RABL3: variants seen among roughly 807,000 people sequenced by gnomAD.
RABL3 encodes the protein RAB, member of RAS oncogene family like 3, also known as rab-like protein 3.
Under a neutral mutation model 31.8 loss-of-function variants are expected in RABL3, and 31 were observed. That is an observed-to-expected ratio of 0.97 (90% confidence interval 0.73 to 1.31). The LOEUF (loss-of-function observed/expected upper bound fraction) is 1.31, where lower values mean the gene tolerates loss of function less well. Among genes scored for constraint, RABL3 ranks in the 40% most tolerant of loss-of-function variants. RABL3 has a pLI of 0.00. For synonymous variants in RABL3, 97 were observed against 99.9 expected, an observed-to-expected ratio of 0.97 and a Z score of 0.18; for missense variants, 263 against 279.6, an observed-to-expected ratio of 0.94 and a Z score of 0.42.
chr3:120,698,793 T>C (rs1255437850), intron 4 of RABL3, among the ~76,000 whole-genome samples: 4 of 152,232 alleles, frequency 2.6e-5, no homozygotes, highest in African/African-American at 9.6e-5. Context: ...CTTCTCAAAA[T>C]TTGGTCCCAT....
chr3:120,733,235 A>C (rs1708909484), intron 1 of RABL3, among the ~76,000 whole-genome samples: 1 of 152,042 alleles, frequency 6.6e-6, no homozygotes, highest in Admixed American at 6.6e-5. Context: ...TTTTTTCATG[A>C]CTTTTTAATG....
intron 4 of RABL3, among the ~76,000 whole-genome samples, chr3:120,705,295 T>C (rs1008052990): frequency 2.6e-5 from 4 of 152,174 alleles, no homozygotes; most frequent in Middle Eastern, 3.2e-3. Context: ...TTTTTGTCAA[T>C]ATAGACAAGC....
intron 1 of RABL3, 21 bp downstream of exon 1, chr3:120,742,441 G>C: frequency 6.2e-7 from 1 of 1,613,360 alleles, no homozygotes; most frequent in African/African-American, 1.3e-5. Flanking sequence ...TGGAGCCCCA[G>C]AGGTAGGGTA....
At chr3:120,730,131 C>T (rs1055085549) in intron 2 of RABL3, among the ~76,000 whole-genome samples, 4 of 152,194 alleles carry the variant, frequency 2.6e-5, no homozygotes, top group Admixed American at 2.6e-4. Context: ...ATCTAGCCAA[C>T]TACCTTGCCT....
At chr3:120,732,684 G>A (rs1708900400) in intron 1 of RABL3, among the ~76,000 whole-genome samples, 1 of 151,888 alleles carries the variant, frequency 6.6e-6, no homozygotes, top group Non-Finnish European at 1.5e-5. Context: ...ATTTACACTA[G>A]GTATGTCTCC....
chr3:120,700,707 T>C (rs573932736), intron 4 of RABL3, among the ~76,000 whole-genome samples: 32 of 152,204 alleles, frequency 2.1e-4, no homozygotes, highest in East Asian at 1.2e-3. Context: ...TGAAATGATA[T>C]GATGTTTTAA....
chr3:120,733,621 G>T (rs1439349317), intron 1 of RABL3, among the ~76,000 whole-genome samples: 1 of 152,180 alleles, frequency 6.6e-6, no homozygotes, highest in East Asian at 1.9e-4. Flanking sequence ...TAGACATGAA[G>T]TCCTTGCCCA....
chr3:120,724,527 A>G (rs1338198941), intron 2 of RABL3, among the ~76,000 whole-genome samples: 2 of 152,364 alleles, frequency 1.3e-5, no homozygotes, highest in East Asian at 3.9e-4. Flanking sequence ...AGCTGGAGGC[A>G]TCACGCTACC....
chr3:120,699,145 C>T (rs34632604), intron 4 of RABL3, among the ~76,000 whole-genome samples: 1 of 151,972 alleles, frequency 6.6e-6, no homozygotes, highest in South Asian at 2.1e-4. Context: ...AAGCTGAAGC[C>T]TAGAATAAAT....
intron 5 of RABL3, among the ~76,000 whole-genome samples, chr3:120,697,921 T>C (rs1708454829): frequency 6.6e-6 from 1 of 152,160 alleles, no homozygotes. Flanking sequence ...ATCCCAGCAC[T>C]TTGGGAGGCC....
intron 4 of RABL3, among the ~76,000 whole-genome samples, chr3:120,703,440 T>C (rs1186446948): frequency 2.0e-5 from 3 of 152,096 alleles, no homozygotes; most frequent in African/African-American, 4.8e-5. Flanking sequence ...GCTAAAGCAG[T>C]GTTTAGAGGG....
At position 120,690,450 on chromosome 3, in the gene RABL3, T is replaced by G. The variant is rs547327941; in HGVS notation, c.644A>C (p.Gln215Pro). The G allele has an allele frequency of 1.3e-6, 2 of 1,580,764 alleles. No individual in the cohort carries two copies. Among genetic ancestry groups the G allele is most frequent in the South Asian group, 1.1e-5 (1 of 90,156 alleles). Residue 215 changes from glutamine (Q) to proline (P), a missense_variant and splice_region_variant, in exon 7 of 8, where the codon CAG (glutamine) becomes CCG (proline). Gln to Pro is a moderately conservative substitution (Grantham distance 76). Coordinates refer to ENST00000273375, the MANE Select transcript of RABL3 (RefSeq NM_173825.5). Reference protein sequence around the residue: ...EKRYFLREGNQIPGFPDRKRF... With the variant: ...EKRYFLREGNPIPGFPDRKRF... ...TTTATCAAGAAAAGAGATACCAACC[T>G]GATTACCTTCTCTTAAAAAGTATCT...
chr3:120,740,087 G>A (rs999909311), intron 1 of RABL3, among the ~76,000 whole-genome samples: 1 of 152,036 alleles, frequency 6.6e-6, no homozygotes, highest in Non-Finnish European at 1.5e-5. Context: ...GGTAAAAAAG[G>A]CCCAATATAA....
intron 5 of RABL3, among the ~76,000 whole-genome samples, chr3:120,698,120 C>T (rs1284680591): frequency 1.3e-5 from 2 of 152,144 alleles, no homozygotes; most frequent in South Asian, 2.1e-4. Context: ...GCTGAGAACG[C>T]GCCACTGCAC....
intron 5 of RABL3, among the ~76,000 whole-genome samples, chr3:120,695,066 T>G (rs1028155057): frequency 6.6e-6 from 1 of 151,760 alleles, no homozygotes; most frequent in Non-Finnish European, 1.5e-5. Flanking sequence ...AGGGCTATCA[T>G]GTAAGCTCCT....
chr3:120,701,706 T>TAC (rs1708494147), intron 4 of RABL3, among the ~76,000 whole-genome samples: 1 of 152,190 alleles, frequency 6.6e-6, no homozygotes, highest in South Asian at 2.1e-4. Flanking sequence ...TACATATATA[T>TAC]ACTCAAACTT....
rs1414012983 is a variant in RABL3, at chr3:120,685,938, T to G, written c.*3885A>C. Among the ~76,000 whole-genome samples the G allele has an allele frequency of 6.6e-6, 1 of 152,204 alleles. No homozygotes were observed. The highest frequency in any genetic ancestry group is 1.5e-5 in the Non-Finnish European group (1 of 68,036). ...CATTTTCAGCAAGCACTTCAGGGGA[T>G]TCTTACACACTTCAGAGTTTGAAAG... On this transcript the variant is annotated 3_prime_UTR_variant, in exon 8 of 8. Transcript: ENST00000273375.
Position 120,690,457 on chromosome 3 carries a change from C to T in RABL3, c.637G>A (p.Gly213Ser), listed in dbSNP as rs1708367734. 6.3e-7 allele frequency: 1 copy of T among 1,590,466 alleles called. No homozygotes were observed. The highest frequency in any genetic ancestry group is 1.1e-5 in the South Asian group (1 of 90,384). Residue 213 changes from glycine (G) to serine (S), a missense_variant, in exon 7 of 8, where the codon GGT (glycine) becomes AGT (serine). Physicochemically the swap from Gly to Ser is moderately conservative, Grantham distance 56 (BLOSUM62 0). Coordinates refer to ENST00000273375, the MANE Select transcript of RABL3 (RefSeq NM_173825.5). ...VIEKRYFLREGNQIPGFPDRK... is the reference protein window; with the variant it reads ...VIEKRYFLRESNQIPGFPDRK... ...AGAAAAGAGATACCAACCTGATTAC[C>T]TTCTCTTAAAAAGTATCTCTTCTCT... is the stretch of plus-strand genomic sequence containing the variant.
At chr3:120,729,782 T>C (rs903828138) in intron 2 of RABL3, among the ~76,000 whole-genome samples, 1 of 152,026 alleles carries the variant, frequency 6.6e-6, no homozygotes, top group African/African-American at 2.4e-5. Flanking sequence ...ATATTAACAG[T>C]TATGAAGAAC....
Sources: gnomAD v4.1 joint callset for allele counts (sites outside exome capture counted in the v4.1 genomes callset) on GRCh38, gnomAD v4.1.1 for gene constraint, MANE v1.5 for transcripts, NCBI Gene and HGNC (gene_info 2026-07-23, HGNC 2026-07-21) for gene names.